PTPRN2: variants seen among roughly 807,000 people sequenced by gnomAD.
PTPRN2 encodes the protein protein tyrosine phosphatase receptor type N2, also known as receptor-type tyrosine-protein phosphatase N2.
A neutral mutation model predicts 118.8 loss-of-function variants in PTPRN2; 74 were observed. That is an observed-to-expected ratio of 0.62 (90% CI 0.52 to 0.76). PTPRN2 has a LOEUF of 0.76. PTPRN2 is among the 30% of genes least tolerant of loss of function. PTPRN2 has a pLI of 0.00. For missense variants in PTPRN2, 1,481 were observed against 1,394.4 expected, an observed-to-expected ratio of 1.06 and a Z score of -0.99; for synonymous variants, 641 against 608.0, an observed-to-expected ratio of 1.05 and a Z score of -0.80.
At chr7:157,885,300 C>A (rs1279980161) in intron 12 of PTPRN2, among the ~76,000 whole-genome samples, 4 of 152,186 alleles carry the variant, frequency 2.6e-5, no homozygotes, top group Non-Finnish European at 5.9e-5. Context: ...GCCCTTACAC[C>A]TGCAGCACGT....
intron 1 of PTPRN2, among the ~76,000 whole-genome samples, chr7:158,561,887 C>T (rs1827409891): frequency 6.6e-6 from 1 of 152,180 alleles, no homozygotes; most frequent in African/African-American, 2.4e-5. Context: ...TGGAACACCA[C>T]AATTTGGGTG....
At chr7:157,891,110 G>A (rs922860188) in intron 12 of PTPRN2, among the ~76,000 whole-genome samples, 4 of 152,176 alleles carry the variant, frequency 2.6e-5, no homozygotes, top group South Asian at 2.1e-4. Context: ...CTGGTGAGGC[G>A]GGCAGGAAAT....
At chr7:158,081,933 C>T (rs1326368657) in intron 10 of PTPRN2, among the ~76,000 whole-genome samples, 1 of 152,140 alleles carries the variant, frequency 6.6e-6, no homozygotes, top group African/African-American at 2.4e-5. Flanking sequence ...AAATACCTTA[C>T]TTTTTAAACC....
At chr7:158,550,638 T>C (rs1826589291) in intron 1 of PTPRN2, among the ~76,000 whole-genome samples, 1 of 152,264 alleles carries the variant, frequency 6.6e-6, no homozygotes, top group African/African-American at 2.4e-5. Flanking sequence ...CTTTTGCATC[T>C]CTGGGAATTC....
At chr7:158,087,575 C>T (rs1385546550) in intron 10 of PTPRN2, among the ~76,000 whole-genome samples, 1 of 149,772 alleles carries the variant, frequency 6.7e-6, no homozygotes, top group African/African-American at 2.4e-5. Flanking sequence ...GATGCAAACG[C>T]TTCCTCCCCT....
At chr7:157,781,589 A>G (rs765093358) in intron 12 of PTPRN2, among the ~76,000 whole-genome samples, 9 of 152,224 alleles carry the variant, frequency 5.9e-5, no homozygotes, top group Non-Finnish European at 1.3e-4. Context: ...TTCCCATCTC[A>G]TACAAGTTCG....
At chr7:158,258,374 C>G (rs1797167660) in intron 3 of PTPRN2, among the ~76,000 whole-genome samples, 1 of 152,266 alleles carries the variant, frequency 6.6e-6, no homozygotes, top group South Asian at 2.1e-4. Flanking sequence ...CATCAGCCTC[C>G]TTCCTGCTCC....
At chr7:157,682,622 G>A in intron 13 of PTPRN2, 103 bp downstream of exon 13, 1 of 1,222,936 alleles carries the variant, frequency 8.2e-7, no homozygotes, top group South Asian at 1.2e-5. Flanking sequence ...CTATGATACA[G>A]GAACAACTGC....
chr7:157,706,859 G>C (rs1787745659), intron 12 of PTPRN2, among the ~76,000 whole-genome samples: 2 of 151,432 alleles, frequency 1.3e-5, no homozygotes. Flanking sequence ...CAGCAAATGA[G>C]CGAATCTGAC....
intron 6 of PTPRN2, among the ~76,000 whole-genome samples, chr7:158,150,299 A>G (rs948277978): frequency 6.6e-6 from 1 of 152,240 alleles, no homozygotes; most frequent in South Asian, 2.1e-4. Flanking sequence ...GCTAAAGGCT[A>G]ACGTAACCAG....
intron 5 of PTPRN2, among the ~76,000 whole-genome samples, chr7:158,180,586 T>A (rs1171263236): frequency 2.0e-5 from 3 of 152,246 alleles, no homozygotes; most frequent in African/African-American, 7.2e-5. Context: ...GGGATGTGTT[T>A]CCATTTGTTT....
chr7:157,764,425 C>T lies in PTPRN2; in HGVS notation c.1789-81488G>A, dbSNP rs11982316. Among the ~76,000 whole-genome samples the T allele has an allele frequency of 0.012, 1,845 of 152,286 alleles. 38 individuals are homozygous for T. The highest frequency in any genetic ancestry group is 0.042 in the African/African-American group (1,735 of 41,560). On this transcript the variant is annotated intron_variant, in intron 12 of 22. Transcript: ENST00000389418. The surrounding 1 kb of genome is among the most constrained non-coding windows in gnomAD (Gnocchi z 4.5). Reference sequence around the variant, plus strand: ...AAAAGGCAGAGATTTTGGATGCAGGCTACAACATGGATGAACCTTGAAGAT... The same window carrying T: ...AAAAGGCAGAGATTTTGGATGCAGGTTACAACATGGATGAACCTTGAAGAT...
At chr7:158,081,733 G>A (rs924370860) in intron 10 of PTPRN2, among the ~76,000 whole-genome samples, 1 of 152,182 alleles carries the variant, frequency 6.6e-6, no homozygotes, top group African/African-American at 2.4e-5. Context: ...CCCCAAGGGA[G>A]ATGTATGAAT....
chr7:157,642,767 T>C (rs1454464879), intron 14 of PTPRN2, among the ~76,000 whole-genome samples: 5 of 128,462 alleles, frequency 3.9e-5, no homozygotes, highest in Non-Finnish European at 6.2e-5. Flanking sequence ...TCTTCTATCA[T>C]GCCCCATTCA....
rs1487497677 is a variant in PTPRN2, at chr7:158,517,259, G to A, written c.113-27474C>T. Among the ~76,000 whole-genome samples the A allele has an allele frequency of 6.6e-6, 1 of 152,224 alleles. No individual in the cohort carries two copies. The highest frequency in any genetic ancestry group is 1.5e-5 in the Non-Finnish European group (1 of 68,048). ...CTTCCTCCTCACTTCGGGGGTGCAA[G>A]CCTGCAAGACCAAACAGCCCACAGC... On this transcript the variant is annotated intron_variant, in intron 1 of 22. Transcript: ENST00000389418. This position sits in a 1 kb window ranked among gnomAD's most constrained non-coding sequence, Gnocchi z 5.3.
chr7:158,207,653 G>A (rs1827262319), intron 3 of PTPRN2, among the ~76,000 whole-genome samples: 1 of 152,068 alleles, frequency 6.6e-6, no homozygotes, highest in South Asian at 2.1e-4. Context: ...CAAATACCTG[G>A]AAAGCCTTCC....
intron 11 of PTPRN2, among the ~76,000 whole-genome samples, chr7:158,034,533 T>C (rs150536753): frequency 0.05 from 7,567 of 152,294 alleles, 230 homozygotes; most frequent in Non-Finnish European, 0.066. Context: ...TGCTCCTCCT[T>C]GCCTTCCACC....
rs759867114 is a variant in PTPRN2 at position 157,603,374 on chromosome 7, CT to C, written c.2418+627del. ...GTCTAGCATGGGCTGAGAGGAGCCCCTGGGAAGTGAGGGACCACAGGCCACA... is the reference window on the plus strand; with the variant it reads ...GTCTAGCATGGGCTGAGAGGAGCCCCGGGAAGTGAGGGACCACAGGCCACA... On this transcript the variant is annotated intron_variant, in intron 16 of 22. Transcript: ENST00000389418. The surrounding 1 kb of genome is among the most constrained non-coding windows in gnomAD (Gnocchi z 5.4). 8.5e-5 allele frequency among the ~76,000 whole-genome samples: 13 copies of C among 152,156 alleles called. No homozygotes were observed. Among genetic ancestry groups the C allele is most frequent in the Non-Finnish European group, 1.9e-4 (13 of 68,020 alleles).
At chr7:158,150,044 C>A (rs949184532) in intron 6 of PTPRN2, among the ~76,000 whole-genome samples, 3 of 152,186 alleles carry the variant, frequency 2.0e-5, no homozygotes, top group Non-Finnish European at 4.4e-5. Context: ...GCATCAAGGG[C>A]ATGAATGATA....
Sources: allele counts gnomAD v4.1 joint callset (sites outside exome capture counted in the v4.1 genomes callset), GRCh38; gene constraint gnomAD v4.1.1; non-coding constraint Gnocchi (gnomAD v3.1); transcripts MANE v1.5; gene names NCBI Gene and HGNC (gene_info 2026-07-23, HGNC 2026-07-21).